Variants in PHACTR1 observed in about 807,000 individuals in gnomAD.
The protein encoded by PHACTR1 is phosphatase and actin regulator 1.
In PHACTR1, 16 loss-of-function variants were observed where a neutral mutation model predicts 69.2. The ratio of observed to expected loss-of-function variants is 0.23; its 90% confidence interval spans 0.16 to 0.35. PHACTR1 has a LOEUF of 0.35. Among genes scored for constraint, PHACTR1 ranks in the 10% least tolerant of loss-of-function variants. PHACTR1 has a pLI of 1.00. For synonymous variants in PHACTR1, 312 were observed against 284.5 expected (o/e 1.10, Z -0.97); for missense variants, 510 against 734.7 (o/e 0.69, Z 3.54).
intron 4 of PHACTR1, among the ~76,000 whole-genome samples, chr6:12,921,966 C>A (rs1287141219): frequency 2.6e-5 from 4 of 152,168 alleles, no homozygotes; most frequent in Non-Finnish European, 5.9e-5. Flanking sequence ...GATTCATTCT[C>A]CACATCTGCA....
chr6:13,146,244 AGT>A (rs1482226495), intron 5 of PHACTR1, among the ~76,000 whole-genome samples: 11 of 152,242 alleles, frequency 7.2e-5, no homozygotes, highest in African/African-American at 2.7e-4. Flanking sequence ...ATACATAATA[AGT>A]GTTACCATGG....
At chr6:13,126,016 G>A (rs1819481163) in intron 5 of PHACTR1, among the ~76,000 whole-genome samples, 2 of 152,034 alleles carry the variant, frequency 1.3e-5, no homozygotes, top group African/African-American at 4.8e-5. Context: ...TCCAGATTGT[G>A]CATCTGTGCT....
At chr6:13,229,754 AGCCAGTCCT>A (rs2127324989) in intron 9 of PHACTR1, among the ~76,000 whole-genome samples, 1 of 152,262 alleles carries the variant, frequency 6.6e-6, no homozygotes, top group East Asian at 1.9e-4. Context: ...TGCACCCCAC[AGCCAGTCCT>A]GCCCTCCTTT....
intron 4 of PHACTR1, among the ~76,000 whole-genome samples, chr6:12,966,811 A>T (rs1793561610): frequency 6.6e-6 from 1 of 152,174 alleles, no homozygotes. Context: ...AGAATATAAT[A>T]TATATTACTG....
chr6:12,904,573 T>A (rs936709432), intron 4 of PHACTR1, among the ~76,000 whole-genome samples: 1 of 151,514 alleles, frequency 6.6e-6, no homozygotes, highest in African/African-American at 2.4e-5. Context: ...CAGAAACTAC[T>A]CATTACAGTA....
chr6:13,098,984 A>G (rs1814715599), intron 5 of PHACTR1, among the ~76,000 whole-genome samples: 1 of 152,190 alleles, frequency 6.6e-6, no homozygotes. Context: ...CCTCTTTAAT[A>G]CACTTCAGTA....
chr6:12,728,229 G>A lies in PHACTR1; in HGVS notation c.103+9382G>A, dbSNP rs541057253. ...AGCTACTCAGGAGGCTGAGGCGGGCGGATTGCTTGAACCCTGGACTTCCAG... is the reference window on the plus strand; with the variant it reads ...AGCTACTCAGGAGGCTGAGGCGGGCAGATTGCTTGAACCCTGGACTTCCAG... On this transcript the variant is annotated intron_variant, in intron 3 of 14. Transcript: ENST00000332995. 4.6e-5 allele frequency among the ~76,000 whole-genome samples: 7 copies of A among 152,166 alleles called. No individual in the cohort carries two copies. In the South Asian group the frequency reaches 6.2e-4, roughly 14 times the overall value.
rs1246527288 is a variant in PHACTR1, at chr6:12,865,974, A to T, written c.250+116184A>T. On this transcript the variant is annotated intron_variant, in intron 4 of 14. Coordinates refer to ENST00000332995, the MANE Select transcript of PHACTR1 (RefSeq NM_030948.6). Reference sequence around the variant, plus strand: ...CCCTCCTCCCTCCCCACCCTAAGAAAGGCACCGCCTCCAACAGGAACAGCT... The same window carrying T: ...CCCTCCTCCCTCCCCACCCTAAGAATGGCACCGCCTCCAACAGGAACAGCT... Among the ~76,000 whole-genome samples, 7 of 152,100 alleles carry T rather than the reference A, an allele frequency of 4.6e-5. No individual in the cohort carries two copies. The East Asian group carries it at 1.4e-3, about 30-fold the overall frequency.
chr6:13,285,832 T>C (rs1781568100), intron 13 of PHACTR1, among the ~76,000 whole-genome samples: 1 of 152,162 alleles, frequency 6.6e-6, no homozygotes, highest in South Asian at 2.1e-4. Flanking sequence ...TTGAATGTGT[T>C]CTTGGGCCCC....
At chr6:13,005,523 A>T (rs532083643) in intron 4 of PHACTR1, among the ~76,000 whole-genome samples, 7 of 152,302 alleles carry the variant, frequency 4.6e-5, no homozygotes, top group Admixed American at 3.3e-4. Context: ...ATATAATATG[A>T]ATCACAGAGG....
At chr6:13,251,269 C>T (rs987070635) in intron 10 of PHACTR1, among the ~76,000 whole-genome samples, 2 of 152,150 alleles carry the variant, frequency 1.3e-5, no homozygotes, top group African/African-American at 2.4e-5. Flanking sequence ...GGAGATGGCT[C>T]CTGTGACTGA....
chr6:13,006,635 T>C (rs1798832255), intron 4 of PHACTR1, among the ~76,000 whole-genome samples: 1 of 151,718 alleles, frequency 6.6e-6, no homozygotes, highest in African/African-American at 2.4e-5. Context: ...CATACACAAC[T>C]TATATTAAAT....
intron 4 of PHACTR1, among the ~76,000 whole-genome samples, chr6:12,793,648 G>A (rs1194033913): frequency 6.6e-6 from 1 of 152,210 alleles, no homozygotes; most frequent in East Asian, 1.9e-4. Context: ...GTAGAATTTA[G>A]TGGTGGGATG....
chr6:12,957,812 G>A, intron 4 of PHACTR1: 1 of 985,568 alleles, frequency 1.0e-6, no homozygotes, highest in Non-Finnish European at 1.2e-6. Context: ...TCCATCCCAC[G>A]TGGGAGCTGG....
At chr6:12,902,669 C>T (rs1027703163) in intron 4 of PHACTR1, among the ~76,000 whole-genome samples, 1 of 152,182 alleles carries the variant, frequency 6.6e-6, no homozygotes, top group Non-Finnish European at 1.5e-5. Flanking sequence ...TCCCAGCATT[C>T]ATTTTCTTCC....
At position 13,195,402 on chromosome 6, in the gene PHACTR1, A is replaced by G. The variant is rs142372512; in HGVS notation, c.665-10413A>G. ...TGGGCACTAAGTGCTGTGCTCATTG[A>G]CAAGTAACTGCCGATACAGCAGCAG... On this transcript the variant is annotated intron_variant, in intron 7 of 14. Transcript: ENST00000332995. 1.8e-3 allele frequency among the ~76,000 whole-genome samples: 278 copies of G among 152,320 alleles called. 1 individual carries two copies. The highest frequency in any genetic ancestry group is 5.8e-3 in the African/African-American group (242 of 41,572).
chr6:13,269,891 G>C (rs1425023783), intron 10 of PHACTR1, among the ~76,000 whole-genome samples: 1 of 152,116 alleles, frequency 6.6e-6, no homozygotes, highest in African/African-American at 2.4e-5. Context: ...ACACACTTCT[G>C]TGACCCCACA....
chr6:13,078,521 G>A (rs966373891), intron 5 of PHACTR1, among the ~76,000 whole-genome samples: 2 of 152,190 alleles, frequency 1.3e-5, no homozygotes, highest in Non-Finnish European at 2.9e-5. Flanking sequence ...AGCAGTGAAT[G>A]AGATGACAGA....
intron 4 of PHACTR1, among the ~76,000 whole-genome samples, chr6:13,028,981 T>C (rs760140466): frequency 4.0e-5 from 6 of 151,810 alleles, no homozygotes; most frequent in Non-Finnish European, 8.8e-5. Context: ...GAAGGAAGAG[T>C]AGGTGTACTG....
Sources: gnomAD v4.1 joint callset for allele counts (sites outside exome capture counted in the v4.1 genomes callset) on GRCh38, gnomAD v4.1.1 for gene constraint, MANE v1.5 for transcripts, NCBI Gene and HGNC (gene_info 2026-07-23, HGNC 2026-07-21) for gene names.